CALCOCO2: variants seen among roughly 807,000 people sequenced by gnomAD.
CALCOCO2 encodes the protein calcium binding and coiled-coil domain 2.
A neutral mutation model predicts 62.5 loss-of-function variants in CALCOCO2; 42 were observed. The observed-to-expected ratio is 0.67, with a 90% confidence interval of 0.53 to 0.87. The LOEUF is 0.87. CALCOCO2 is among the 40% of genes least tolerant of loss of function. The pLI is 0.00. For missense variants in CALCOCO2, 456 were observed against 515.0 expected, an observed-to-expected ratio of 0.89 and a Z score of 1.11; for synonymous variants, 167 against 173.0, an observed-to-expected ratio of 0.97 and a Z score of 0.27.
intron 2 of CALCOCO2, among the ~76,000 whole-genome samples, chr17:48,844,505 A>G (rs894333816): frequency 2.6e-5 from 4 of 151,720 alleles, no homozygotes; most frequent in African/African-American, 7.3e-5. Context: ...CCCAGGCTGG[A>G]GTGCAATGGC....
intron 10 of CALCOCO2, among the ~76,000 whole-genome samples, chr17:48,858,058 A>ATAGAATAGAG: frequency 7.0e-6 from 1 of 143,408 alleles, no homozygotes; most frequent in Middle Eastern, 3.6e-3. Flanking sequence ...ATAGAATAGA[A>ATAGAATAGAG]TAGAATAGAA....
intron 4 of CALCOCO2, chr17:48,848,976 C>A: frequency 2.3e-6 from 1 of 434,688 alleles, no homozygotes; most frequent in Non-Finnish European, 4.3e-6. Context: ...GAGAGACAAA[C>A]AATACTAAGC....
At chr17:48,840,339 C>A (rs2039959971) in intron 1 of CALCOCO2, among the ~76,000 whole-genome samples, 1 of 151,974 alleles carries the variant, frequency 6.6e-6, no homozygotes, top group South Asian at 2.1e-4. Context: ...CCATGTTGCC[C>A]AGGTTGGTCA....
chr17:48,839,062 C>G (rs2143580601), intron 1 of CALCOCO2, among the ~76,000 whole-genome samples: 1 of 147,294 alleles, frequency 6.8e-6, no homozygotes, highest in East Asian at 2.1e-4. Flanking sequence ...TGCAGTGGCG[C>G]AATCTGGCAA....
rs528021827 is a variant in CALCOCO2, at chr17:48,840,488, A to G, written c.-10-1210A>G. Among the ~76,000 whole-genome samples, 20 of 152,328 alleles carry G rather than the reference A, an allele frequency of 1.3e-4. No homozygotes were observed. The East Asian group carries it at 3.9e-3, about 29-fold the overall frequency. ...GTACTATAACCTAGAAAGGTGAAAC[A>G]CAGTGTATTATCCCCATTTATAGCT... On this transcript the variant is annotated intron_variant, in intron 1 of 12. Coordinates refer to ENST00000258947, the MANE Select transcript of CALCOCO2 (RefSeq NM_005831.5).
intron 9 of CALCOCO2, among the ~76,000 whole-genome samples, chr17:48,854,426 G>T (rs1463014097): frequency 1.6e-3 from 4 of 2,452 alleles, no homozygotes; most frequent in African/African-American, 4.4e-3. Context: ...TTTTTTTTTT[G>T]AGACAGTCTT....
intron 1 of CALCOCO2, among the ~76,000 whole-genome samples, chr17:48,838,792 T>C (rs999992562): frequency 6.6e-6 from 1 of 152,188 alleles, no homozygotes; most frequent in Non-Finnish European, 1.5e-5. Flanking sequence ...AATAGCTGAA[T>C]TTGTAAGATA....
chr17:48,835,064 C>A (rs986127422), intron 1 of CALCOCO2, among the ~76,000 whole-genome samples: 2 of 151,858 alleles, frequency 1.3e-5, no homozygotes, highest in South Asian at 4.2e-4. Context: ...AAAAATAATT[C>A]TCTTTACATA....
chr17:48,851,814 G>C, intron 7 of CALCOCO2, 186 bp downstream of exon 7: 1 of 509,744 alleles, frequency 2.0e-6, no homozygotes, highest in South Asian at 2.9e-5. Context: ...CCCTACCCAT[G>C]CCCCTGCTTT....
intron 9 of CALCOCO2, 67 bp downstream of exon 9, chr17:48,853,079 C>A: frequency 1.9e-6 from 2 of 1,073,678 alleles, no homozygotes; most frequent in African/African-American, 1.6e-5. Context: ...AGGATATGGG[C>A]CTATTTTCCG....
At chr17:48,846,641 T>C in intron 2 of CALCOCO2, 2 of 616,162 alleles carry the variant, frequency 3.2e-6, no homozygotes, top group Non-Finnish European at 5.8e-6. Context: ...TCCTGCTTCC[T>C]GTACCACCGC....
intron 5 of CALCOCO2, 63 bp downstream of exon 5, chr17:48,849,440 T>C: frequency 1.4e-6 from 2 of 1,387,098 alleles, no homozygotes; most frequent in South Asian, 1.2e-5. Flanking sequence ...GTGCCTCTTA[T>C]CCAGCACCAT....
rs1257075398 is a variant in CALCOCO2 at position 48,841,856 on chromosome 17, C to G, written c.149C>G (p.Pro50Arg). 1.2e-6 allele frequency: 2 copies of G among 1,612,644 alleles called. No individual in the cohort carries two copies. Among genetic ancestry groups the G allele is most frequent in the African/African-American group, 2.7e-5 (2 of 74,888 alleles). ...TATACCTTCACCCAGCATTTCATCC[C>G]TCGTCGAAAGGATTGGATTGGCATC... ...CHYTFTQHFI[P>R]RRKDWIGIFR... The change falls in exon 2 of 13, where the codon CCT (proline) becomes CGT (arginine). Residue 50 changes from proline (P) to arginine (R), a missense_variant. Coordinates refer to ENST00000258947, the MANE Select transcript of CALCOCO2 (RefSeq NM_005831.5).
At chr17:48,857,099 G>GC (rs1342009849) in intron 10 of CALCOCO2, among the ~76,000 whole-genome samples, 1 of 151,726 alleles carries the variant, frequency 6.6e-6, no homozygotes, top group Non-Finnish European at 1.5e-5. Context: ...ACCACGCCCG[G>GC]CCCATTCTCA....
At chr17:48,857,669 T>G (rs980066051) in intron 10 of CALCOCO2, among the ~76,000 whole-genome samples, 1 of 150,516 alleles carries the variant, frequency 6.6e-6, no homozygotes, top group Non-Finnish European at 1.5e-5. Context: ...CTTTTTAAAA[T>G]TGCGGTTAAA....
chr17:48,834,076 C>T (rs2143560519), intron 1 of CALCOCO2, among the ~76,000 whole-genome samples: 1 of 144,534 alleles, frequency 6.9e-6, no homozygotes, highest in African/African-American at 2.6e-5. Flanking sequence ...ACATTCATGC[C>T]ATTGCACTCC....
At chr17:48,850,363 A>G (rs2040111103) in intron 5 of CALCOCO2, among the ~76,000 whole-genome samples, 1 of 152,192 alleles carries the variant, frequency 6.6e-6, no homozygotes, top group Non-Finnish European at 1.5e-5. Flanking sequence ...AGGCTGAGGC[A>G]AGATAATTGC....
chr17:48,839,670 CTTTTTTTT>C (rs766846336), intron 1 of CALCOCO2, among the ~76,000 whole-genome samples: 4 of 66,172 alleles, frequency 6.0e-5, no homozygotes, highest in African/African-American at 6.4e-5. Context: ...CTTTGCTTTG[CTTTTTTTT>C]TTTTTTTTTT....
intron 2 of CALCOCO2, 36 bp downstream of exon 2, chr17:48,841,923 T>C (rs748594391): frequency 2.7e-5 from 39 of 1,462,416 alleles, no homozygotes; most frequent in Non-Finnish European, 3.7e-5. Flanking sequence ...GATCAGGAAC[T>C]AGAGGTGATT....
Sources: gnomAD v4.1 joint callset for allele counts (sites outside exome capture counted in the v4.1 genomes callset) on GRCh38, gnomAD v4.1.1 for gene constraint, MANE v1.5 for transcripts, NCBI Gene and HGNC (gene_info 2026-07-23, HGNC 2026-07-21) for gene names.